GPHN: variants seen among roughly 807,000 people sequenced by gnomAD.
GPHN encodes gephyrin.
A neutral mutation model predicts 95.5 loss-of-function variants in GPHN; 17 were observed. The observed-to-expected ratio is 0.18, with a 90% CI of 0.12 to 0.27. GPHN has a LOEUF of 0.27. GPHN is among the 10% of genes least tolerant of loss of function. The pLI is 1.00. For missense variants in GPHN, 660 were observed against 978.1 expected (o/e 0.67, Z 4.34); for synonymous variants, 320 against 322.5 (o/e 0.99, Z 0.08).
the GPHN span, among the ~76,000 whole-genome samples, chr14:67,531,012 G>T: frequency 6.6e-6 from 1 of 152,190 alleles, no homozygotes; most frequent in African/African-American, 2.4e-5. Flanking sequence ...TCTTTCACAA[G>T]AATGCCCTAG....
At chr14:67,414,510 C>T in the GPHN span, among the ~76,000 whole-genome samples, 1 of 152,226 alleles carries the variant, frequency 6.6e-6, no homozygotes, top group African/African-American at 2.4e-5. Context: ...AGAGAGACAC[C>T]CCTCCTCTCC....
At chr14:67,597,392 C>A in the GPHN span, among the ~76,000 whole-genome samples, 2 of 151,998 alleles carry the variant, frequency 1.3e-5, no homozygotes, top group African/African-American at 4.8e-5. Flanking sequence ...ATAAGAGGAT[C>A]GCTTGAGTCC....
intron 18 of GPHN, among the ~76,000 whole-genome samples, chr14:67,150,456 A>C (rs1465910122): frequency 4.0e-5 from 6 of 149,938 alleles, no homozygotes; most frequent in Non-Finnish European, 5.9e-5. Context: ...AAAAAAACAA[A>C]AAAAAAAAAA....
chr14:67,348,397 G>A, the GPHN span, among the ~76,000 whole-genome samples: 1 of 151,910 alleles, frequency 6.6e-6, no homozygotes, highest in Non-Finnish European at 1.5e-5. Flanking sequence ...GGTAAAGATG[G>A]GGTTTCACCA....
intron 5 of GPHN, among the ~76,000 whole-genome samples, chr14:66,884,575 CTTGTTTTTTTTT>C (rs1193928068): frequency 7.9e-6 from 1 of 126,840 alleles, no homozygotes; most frequent in Non-Finnish European, 1.5e-5. Flanking sequence ...TTATTCCCTA[CTTGTTTTTTTTT>C]AAAAGATCAA....
chr14:67,508,211 T>C, the GPHN span, among the ~76,000 whole-genome samples: 113,419 of 151,014 alleles, frequency 0.75, 43,719 homozygotes, highest in Non-Finnish European at 0.85. Context: ...CTGACTTTGT[T>C]CCTTAGCTTC....
At chr14:67,393,784 C>T in the GPHN span, among the ~76,000 whole-genome samples, 2 of 152,226 alleles carry the variant, frequency 1.3e-5, no homozygotes, top group East Asian at 1.9e-4. Flanking sequence ...CTGCATACCA[C>T]GGTGTTCCCA....
chr14:67,139,222 C>CA (rs112425875), intron 17 of GPHN, among the ~76,000 whole-genome samples: 57 of 142,564 alleles, frequency 4.0e-4, no homozygotes, highest in South Asian at 2.2e-3. Context: ...TACTCCATCT[C>CA]AAAAAAAAAA....
At chr14:67,700,714 CA>C in the GPHN span, among the ~76,000 whole-genome samples, 300 of 101,096 alleles carry the variant, frequency 3.0e-3, 1 homozygote, top group Middle Eastern at 6.4e-3. Context: ...GACTCCATCT[CA>C]AAAAAAAAAA....
At chr14:67,573,677 C>A in the GPHN span, 1 of 736,842 alleles carries the variant, frequency 1.4e-6, no homozygotes, top group Non-Finnish European at 2.5e-6. This position sits in a 1 kb window ranked among gnomAD's most constrained non-coding sequence, Gnocchi z 4.8. Context: ...CATCATAACA[C>A]AGCCAGAATG....
the GPHN span, among the ~76,000 whole-genome samples, chr14:67,506,551 T>C: frequency 1.3e-5 from 2 of 152,180 alleles, no homozygotes; most frequent in Non-Finnish European, 1.5e-5. Flanking sequence ...GATAGGGGAA[T>C]AAGAGGTGAG....
Position 66,776,681 on chromosome 14 carries a change from C to A in GPHN, c.201+160C>A, listed in dbSNP as rs561030377. Among the ~76,000 whole-genome samples, 14 of 151,818 alleles carry A rather than the reference C, an allele frequency of 9.2e-5. No homozygotes were observed. In the East Asian group the frequency reaches 2.5e-3, roughly 28 times the overall value. Reference sequence around the variant, plus strand: ...TAAAAATTTATATGTATCAGATAATCACCATCAGATTTATCTGCCATTTGC... The same window carrying A: ...TAAAAATTTATATGTATCAGATAATAACCATCAGATTTATCTGCCATTTGC... On this transcript the variant is annotated intron_variant, in intron 3 of 22. Coordinates refer to ENST00000478722, the MANE Select transcript of GPHN (RefSeq NM_020806.5).
chr14:67,575,335 G>A, the GPHN span: 4 of 1,057,802 alleles, frequency 3.8e-6, no homozygotes, highest in Non-Finnish European at 5.6e-6. Context: ...TGCCAGTCCT[G>A]GATTTACTTC....
At chr14:66,758,135 G>C (rs866606912) in intron 2 of GPHN, among the ~76,000 whole-genome samples, 17 of 152,230 alleles carry the variant, frequency 1.1e-4, no homozygotes, top group Non-Finnish European at 1.9e-4. Context: ...TTAGGAAAGG[G>C]TAGGTATATA....
intron 2 of GPHN, among the ~76,000 whole-genome samples, chr14:66,701,388 T>G (rs2068542283): frequency 6.6e-6 from 1 of 152,208 alleles, no homozygotes. Flanking sequence ...GATGGCTGAC[T>G]AGAAACAGTA....
intron 1 of GPHN, among the ~76,000 whole-genome samples, chr14:66,655,103 T>G (rs1002875236): frequency 6.6e-6 from 1 of 152,172 alleles, no homozygotes; most frequent in Non-Finnish European, 1.5e-5. Flanking sequence ...TTATAATTCC[T>G]TTGCCTTTCC....
At chr14:66,546,576 C>A (rs532985044) in intron 1 of GPHN, among the ~76,000 whole-genome samples, 1 of 152,156 alleles carries the variant, frequency 6.6e-6, no homozygotes, top group Non-Finnish European at 1.5e-5. Flanking sequence ...TGGAGACCAG[C>A]CCGTCCAACA....
At chr14:67,195,344 A>C in the GPHN span, among the ~76,000 whole-genome samples, 13 of 151,944 alleles carry the variant, frequency 8.6e-5, no homozygotes, top group African/African-American at 3.1e-4. Flanking sequence ...CCACAGCTAC[A>C]CCTTTTCCCC....
the GPHN span, chr14:67,593,955 G>A: frequency 1.3e-5 from 21 of 1,601,656 alleles, no homozygotes; most frequent in East Asian, 6.7e-5. Flanking sequence ...ATGCTGTTCT[G>A]AAGAGAGAGC....
Sources: gnomAD v4.1 joint callset for allele counts (sites outside exome capture counted in the v4.1 genomes callset) on GRCh38, gnomAD v4.1.1 for gene constraint, Gnocchi (gnomAD v3.1) non-coding constraint, MANE v1.5 for transcripts, NCBI Gene and HGNC (gene_info 2026-07-23, HGNC 2026-07-21) for gene names.